PSMD11: variants seen among roughly 807,000 people sequenced by gnomAD.
PSMD11 encodes the protein proteasome 26S subunit, non-ATPase 11, also known as 26S proteasome non-ATPase regulatory subunit 11.
In PSMD11, 5 loss-of-function variants were observed where a neutral mutation model predicts 62.3. The observed-to-expected ratio is 0.08, with a 90% CI of 0.04 to 0.17. The LOEUF (loss-of-function observed/expected upper bound fraction) is 0.17. Ranked by LOEUF, PSMD11 falls within the 10% of genes least tolerant of loss-of-function variation. PSMD11 has a pLI of 1.00. For missense variants in PSMD11, 310 were observed against 512.9 expected (o/e 0.60, Z 3.82); for synonymous variants, 191 against 191.8 (o/e 1.00, Z 0.03).
chr17:32,480,072 C>T, intron 11 of PSMD11, 74 bp from the exon 12 acceptor site: 2 of 1,556,786 alleles, frequency 1.3e-6, no homozygotes, highest in Non-Finnish European at 1.8e-6. Context: ...AAGACCCCTC[C>T]AACAAAGCTA....
rs763314602 is a variant in PSMD11, at chr17:32,464,015, A to G, written c.319-34A>G. 2.0e-5 allele frequency: 31 copies of G among 1,587,478 alleles called. No homozygotes were observed. In the African/African-American group the frequency reaches 3.6e-4, roughly 19 times the overall value. ...TGGTTTGTGGGAAGAATTTGAGGAC[A>G]TAATGTTGCATGTACTGTCTCTCCT... On this transcript the variant is annotated intron_variant, in intron 3 of 13. Coordinates refer to ENST00000261712, the MANE Select transcript of PSMD11 (RefSeq NM_002815.4).
intron 7 of PSMD11, chr17:32,474,221 G>A: frequency 2.0e-6 from 1 of 492,044 alleles, no homozygotes; most frequent in East Asian, 3.7e-5. Context: ...CCTCATAGGT[G>A]CAGAGCACAG....
intron 7 of PSMD11, 63 bp from the exon 8 acceptor site, chr17:32,474,701 C>G: frequency 6.5e-7 from 1 of 1,537,274 alleles, no homozygotes; most frequent in Non-Finnish European, 9.0e-7. Context: ...AAGAAATTTG[C>G]CCAAACCTTC....
At chr17:32,457,989 C>T (rs866597916) in intron 3 of PSMD11, among the ~76,000 whole-genome samples, 3 of 151,892 alleles carry the variant, frequency 2.0e-5, no homozygotes, top group Admixed American at 6.6e-5. Flanking sequence ...TTAGTAGAGA[C>T]GGAGTTTCAC....
chr17:32,476,351 G>A (rs1231086976), intron 8 of PSMD11, among the ~76,000 whole-genome samples: 1 of 152,162 alleles, frequency 6.6e-6, no homozygotes, highest in East Asian at 1.9e-4. Flanking sequence ...AGTGTTCAGG[G>A]CAAGGTCAGG....
intron 3 of PSMD11, among the ~76,000 whole-genome samples, chr17:32,456,485 G>T (rs544896484): frequency 1.8e-4 from 27 of 152,206 alleles, no homozygotes; most frequent in Non-Finnish European, 1.5e-4. Context: ...GGATTCTCCT[G>T]CCTCAGCCTT....
intron 3 of PSMD11, among the ~76,000 whole-genome samples, chr17:32,459,111 A>AAAACAT (rs1404996945): frequency 4.6e-5 from 2 of 43,766 alleles, no homozygotes; most frequent in African/African-American, 6.5e-5. Flanking sequence ...AAAAAAAAAA[A>AAAACAT]ATACATATAT....
intron 2 of PSMD11, among the ~76,000 whole-genome samples, chr17:32,449,145 C>CTGTA (rs1567851129): frequency 6.6e-6 from 1 of 152,170 alleles, no homozygotes; most frequent in Non-Finnish European, 1.5e-5. Context: ...TGGCTCATGC[C>CTGTA]TGTAATCCCA....
At chr17:32,457,661 T>C (rs1907690406) in intron 3 of PSMD11, among the ~76,000 whole-genome samples, 1 of 152,226 alleles carries the variant, frequency 6.6e-6, no homozygotes, top group African/African-American at 2.4e-5. Flanking sequence ...TGGAGCAAAT[T>C]GTGAATCATC....
chr17:32,472,832 C>T (rs1191074799), intron 6 of PSMD11, among the ~76,000 whole-genome samples: 4 of 148,830 alleles, frequency 2.7e-5, no homozygotes, highest in African/African-American at 1.0e-4. Flanking sequence ...CCACCATGCC[C>T]GGCCTTTTTC....
At chr17:32,476,036 G>A (rs1908311383) in intron 8 of PSMD11, among the ~76,000 whole-genome samples, 2 of 151,970 alleles carry the variant, frequency 1.3e-5, no homozygotes, top group African/African-American at 4.8e-5. Context: ...GGCTGAGGTG[G>A]GCGGATCACT....
Position 32,480,133 on chromosome 17 carries a change from G to T in PSMD11, c.1075-13G>T, listed in dbSNP as rs1908445701. The stretch of plus-strand genomic sequence containing the variant: ...TGGATACTGGTCCCTTTAATCATGT[G>T]CTTTGATTTTAGGCCGACGTGGAAA... On this transcript the variant is annotated splice_polypyrimidine_tract_variant and intron_variant, in intron 11 of 13. Transcript: ENST00000261712. The T allele has an allele frequency of 6.2e-7, 1 of 1,612,296 alleles. No individual in the cohort carries two copies. The highest frequency in any genetic ancestry group is 1.1e-5 in the South Asian group (1 of 91,046).
chr17:32,454,967 T>C (rs1172360182), intron 3 of PSMD11: 1 of 214,492 alleles, frequency 4.7e-6, no homozygotes, highest in East Asian at 1.4e-4. Flanking sequence ...ACTAATTAAG[T>C]CTTGTGGTAT....
intron 3 of PSMD11, among the ~76,000 whole-genome samples, chr17:32,457,803 T>C (rs1029484492): frequency 4.7e-5 from 7 of 147,382 alleles, no homozygotes; most frequent in Non-Finnish European, 9.1e-5. Flanking sequence ...CTCTCTCTCT[T>C]TTTTTTTTTT....
Position 32,458,801 on chromosome 17 carries a change from A to G in PSMD11, c.318+4182A>G, listed in dbSNP as rs570784687. Among the ~76,000 whole-genome samples the G allele has an allele frequency of 1.2e-4, 19 of 152,290 alleles. 1 individual carries two copies. Among genetic ancestry groups the G allele is most frequent in the African/African-American group, 4.3e-4 (18 of 41,560 alleles). Reference sequence around the variant, plus strand: ...GTCTGGGGTTGGGACATTCATATACATATGGATTGCTGTCAGCTTGATCTT... The same window carrying G: ...GTCTGGGGTTGGGACATTCATATACGTATGGATTGCTGTCAGCTTGATCTT... On this transcript the variant is annotated intron_variant, in intron 3 of 13. Coordinates refer to ENST00000261712, the MANE Select transcript of PSMD11 (RefSeq NM_002815.4).
At chr17:32,453,124 GCACAGGAGGAAATTCTGTGGGAGAAGGGA>G (rs1384691474) in intron 2 of PSMD11, among the ~76,000 whole-genome samples, 22 of 152,188 alleles carry the variant, frequency 1.4e-4, no homozygotes, top group African/African-American at 5.1e-4. Context: ...AATTGTTCAG[GCACAGGAGGAAATTCTGTGGGAGAAGGGA>G]CATTGCTTCA....
rs142724808 is a variant in PSMD11, at chr17:32,448,827, C to T, written c.193+1781C>T. Among the ~76,000 whole-genome samples the T allele has an allele frequency of 1.1e-4, 17 of 152,266 alleles. No homozygotes were observed. The East Asian group carries it at 2.9e-3, about 26-fold the overall frequency. On this transcript the variant is annotated intron_variant, in intron 2 of 13. Transcript: ENST00000261712. ...CTCATTCAACTAATAACTGGTAGACCTAGGATTTGAGCTCATGTAGTCTTA... is the reference window on the plus strand; with the variant it reads ...CTCATTCAACTAATAACTGGTAGACTTAGGATTTGAGCTCATGTAGTCTTA...
At chr17:32,449,406 A>G (rs113153834) in intron 2 of PSMD11, among the ~76,000 whole-genome samples, 1 of 152,194 alleles carries the variant, frequency 6.6e-6, no homozygotes, top group Non-Finnish European at 1.5e-5. Flanking sequence ...CCCTGTCTCA[A>G]AAAAAGATTT....
At chr17:32,480,083 C>G (rs1461620168) in intron 11 of PSMD11, 63 bp from the exon 12 acceptor site, 1 of 1,563,990 alleles carries the variant, frequency 6.4e-7, no homozygotes, top group African/African-American at 1.4e-5. Context: ...AACAAAGCTA[C>G]TGTGTCAGGG....
Sources: allele counts gnomAD v4.1 joint callset (sites outside exome capture counted in the v4.1 genomes callset), GRCh38; gene constraint gnomAD v4.1.1; transcripts MANE v1.5; gene names NCBI Gene and HGNC (gene_info 2026-07-23, HGNC 2026-07-21).